GRAMD1B: variants seen among roughly 807,000 people sequenced by gnomAD.
The protein encoded by GRAMD1B is protein Aster-B.
Under a neutral mutation model 99.7 loss-of-function variants are expected in GRAMD1B, and 37 were observed. That is an observed-to-expected ratio of 0.37 (90% CI 0.29 to 0.49). The LOEUF is 0.49. GRAMD1B is among the 20% of genes least tolerant of loss of function. The pLI, the probability that GRAMD1B is intolerant of heterozygous loss-of-function variation, is 0.98. For missense variants in GRAMD1B, 888 were observed against 1,009.2 expected (o/e 0.88, Z 1.63); for synonymous variants, 427 against 387.6 (o/e 1.10, Z -1.19).
intron 2 of GRAMD1B, among the ~76,000 whole-genome samples, chr11:123,556,797 G>A (rs1337500432): frequency 6.6e-6 from 1 of 152,220 alleles, no homozygotes; most frequent in Admixed American, 6.5e-5. Context: ...TGTTGGCTTT[G>A]TTAGGATTGC....
chr11:123,435,391 ATTTG>A lies in GRAMD1B; in HGVS notation c.374+4241_374+4244del, dbSNP rs200829805. The A allele has an allele frequency of 6.0e-3, 4,212 of 698,334 alleles. 66 individuals are homozygous for A. The highest frequency in any genetic ancestry group is 0.04 in the African/African-American group (2,280 of 56,948). 43.3% of individuals were successfully genotyped at this position (698,334 alleles called of 1,614,324 possible). Reference sequence around the variant, plus strand: ...TTGTTTTTTCATTATTTGTTTCATTATTTGTTTGTTTGTTTGTTTTTTTACTTGT... The same window carrying A: ...TTGTTTTTTCATTATTTGTTTCATTATTTGTTTGTTTGTTTTTTTACTTGT... On this transcript the variant is annotated intron_variant, in intron 1 of 19. Coordinates refer to ENST00000635736, the MANE Select transcript of GRAMD1B (RefSeq NM_001387025.1).
chr11:123,415,330 T>G (rs1210092563), intron 1 of GRAMD1B, among the ~76,000 whole-genome samples: 1 of 152,078 alleles, frequency 6.6e-6, no homozygotes. Flanking sequence ...CTCGATTTCT[T>G]GATCTCATGA....
At chr11:123,471,363 C>G (rs941288263) in intron 1 of GRAMD1B, among the ~76,000 whole-genome samples, 3 of 152,098 alleles carry the variant, frequency 2.0e-5, no homozygotes, top group African/African-American at 7.2e-5. Flanking sequence ...TGCTCTATAC[C>G]CAGTATCTAG....
At chr11:123,551,414 A>T in intron 2 of GRAMD1B, among the ~76,000 whole-genome samples, 1 of 152,138 alleles carries the variant, frequency 6.6e-6, no homozygotes, top group East Asian at 1.9e-4. Context: ...GGACTCTACG[A>T]TGTTGTACTT....
At chr11:123,498,984 C>T (rs1591719705) in intron 2 of GRAMD1B, among the ~76,000 whole-genome samples, 1 of 152,264 alleles carries the variant, frequency 6.6e-6, no homozygotes, top group South Asian at 2.1e-4. Flanking sequence ...AGCCCTGATG[C>T]CTCCTGTGAT....
chr11:123,618,424 C>T (rs1017756761), intron 17 of GRAMD1B: 8 of 1,438,042 alleles, frequency 5.6e-6, no homozygotes, highest in African/African-American at 4.2e-5. Flanking sequence ...TCTCTTCCCC[C>T]AGGTGCCCAG....
At chr11:123,495,678 C>CTTTTTTTTTTTTTTTTTTTTTTTTTTT (rs556302274) in intron 2 of GRAMD1B, among the ~76,000 whole-genome samples, 2 of 114,408 alleles carry the variant, frequency 1.7e-5, no homozygotes, top group Non-Finnish European at 3.8e-5. Context: ...CTTTCTTCTT[C>CTTTTTTTTTTTTTTTTTTTTTTTTTTT]TTTTTTTTTT....
rs1948945254 is a variant in GRAMD1B, at chr11:123,578,198, G to A, written c.663+621G>A. On this transcript the variant is annotated intron_variant, in intron 3 of 19. Transcript: ENST00000635736. ...CCCAGAGATGTCTTCCCCACCCTCGGTCCTTTGGGGAGCAGGAGATGTCTT... is the reference window on the plus strand; with the variant it reads ...CCCAGAGATGTCTTCCCCACCCTCGATCCTTTGGGGAGCAGGAGATGTCTT... 5.3e-5 allele frequency among the ~76,000 whole-genome samples: 8 copies of A among 152,068 alleles called. 1 individual carries two copies. The South Asian group carries it at 1.7e-3, about 31-fold the overall frequency.
chr11:123,588,299 T>A (rs1192734305), intron 4 of GRAMD1B, among the ~76,000 whole-genome samples: 4 of 151,956 alleles, frequency 2.6e-5, no homozygotes, highest in African/African-American at 9.7e-5. Flanking sequence ...GTAGAGTTAA[T>A]GTTTAGCCCA....
chr11:123,514,386 C>CT (rs1406495265), intron 2 of GRAMD1B, among the ~76,000 whole-genome samples: 1 of 152,170 alleles, frequency 6.6e-6, no homozygotes, highest in Non-Finnish European at 1.5e-5. Context: ...AGTGGGTTAT[C>CT]TTGGCCTTCC....
At position 123,557,273 on chromosome 11, in the gene GRAMD1B, A is replaced by C. The variant is rs115420091; in HGVS notation, c.453-20094A>C. On this transcript the variant is annotated intron_variant, in intron 2 of 19. Transcript: ENST00000635736. ...CAAGTGAAGCGCTTCTCATCATGAA[A>C]GCCTTGTATTCTGTAACAGTAGACA... Among the ~76,000 whole-genome samples the C allele has an allele frequency of 3.6e-3, 543 of 152,330 alleles. 3 individuals are homozygous for C. The highest frequency in any genetic ancestry group is 0.012 in the African/African-American group (510 of 41,578).
chr11:123,609,518 C>T (rs898304592), intron 12 of GRAMD1B, among the ~76,000 whole-genome samples: 1 of 152,196 alleles, frequency 6.6e-6, no homozygotes, highest in African/African-American at 2.4e-5. Flanking sequence ...TTGCCAGCAC[C>T]CCCGTAGGTG....
chr11:123,568,398 C>A (rs554149539), intron 2 of GRAMD1B, among the ~76,000 whole-genome samples: 24 of 152,354 alleles, frequency 1.6e-4, no homozygotes, highest in African/African-American at 5.5e-4. Flanking sequence ...TCCAGTTCCA[C>A]CTTTGGTCCA....
intron 1 of GRAMD1B, among the ~76,000 whole-genome samples, chr11:123,362,426 G>A (rs1946175314): frequency 6.6e-6 from 1 of 152,222 alleles, no homozygotes; most frequent in Non-Finnish European, 1.5e-5. Context: ...TGGTAAAAGA[G>A]AAGTTTTTCC....
At chr11:123,525,745 C>T (rs1942651829) in intron 2 of GRAMD1B, 1 of 234,540 alleles carries the variant, frequency 4.3e-6, no homozygotes, top group Admixed American at 5.1e-5. Context: ...CAAAGCAGCT[C>T]AGAGCTGGTA....
At chr11:123,372,568 C>T (rs188881668) in intron 1 of GRAMD1B, among the ~76,000 whole-genome samples, 26 of 152,256 alleles carry the variant, frequency 1.7e-4, no homozygotes, top group Non-Finnish European at 3.1e-4. Context: ...ATTTAGGGGA[C>T]AGCTTGTGGG....
intron 2 of GRAMD1B, among the ~76,000 whole-genome samples, chr11:123,567,830 C>T (rs932312448): frequency 6.6e-6 from 1 of 152,226 alleles, no homozygotes. Context: ...CCTATCACCT[C>T]TCTGGACTGA....
intron 1 of GRAMD1B, among the ~76,000 whole-genome samples, chr11:123,404,477 A>T (rs948020890): frequency 1.3e-5 from 2 of 152,246 alleles, no homozygotes; most frequent in African/African-American, 4.8e-5. Flanking sequence ...TGAAAAGACC[A>T]TTGAAGGTAA....
chr11:123,591,820 T>C lies in GRAMD1B; in HGVS notation c.685-2262T>C, dbSNP rs1950688974. 6.6e-6 allele frequency among the ~76,000 whole-genome samples: 1 copy of C among 152,096 alleles called. No individual in the cohort carries two copies. ...ACAGCCTTGTGGAATAGGCTTGTGT[T>C]GGGAAGCCTGGATAAAGGAGTTTCC... is the stretch of plus-strand genomic sequence containing the variant. On this transcript the variant is annotated intron_variant, in intron 4 of 19. Coordinates refer to ENST00000635736, the MANE Select transcript of GRAMD1B (RefSeq NM_001387025.1). The surrounding 1 kb of genome is among the most constrained non-coding windows in gnomAD (Gnocchi z 4.7).
Sources: allele counts gnomAD v4.1 joint callset (sites outside exome capture counted in the v4.1 genomes callset), GRCh38; gene constraint gnomAD v4.1.1; non-coding constraint Gnocchi (gnomAD v3.1); transcripts MANE v1.5; gene names NCBI Gene and HGNC (gene_info 2026-07-23, HGNC 2026-07-21).